ZNF608: variants seen among roughly 807,000 people sequenced by gnomAD.
ZNF608 encodes renal carcinoma antigen NY-REN-36.
A neutral mutation model predicts 109.0 loss-of-function variants in ZNF608; 12 were observed. That is an observed-to-expected ratio of 0.11 (90% CI 0.07 to 0.18). The LOEUF is 0.18. Ranked by LOEUF, ZNF608 falls within the 10% of genes least tolerant of loss-of-function variation. The pLI is 1.00. For missense variants in ZNF608, 1,707 were observed against 1,879.3 expected, an observed-to-expected ratio of 0.91 and a Z score of 1.70; for synonymous variants, 732 against 717.4, an observed-to-expected ratio of 1.02 and a Z score of -0.33.
In ZNF608 at chr5:124,744,673, A is replaced by C. The variant is rs1749570456; in HGVS notation, c.317T>G (p.Val106Gly). ...ATCCTTAGAAGTTTTACTCCTTTTC[A>C]CTTTTGATTTGCTGGTCTCTTTGTG... Reference protein sequence around the residue: ...NSHKETSKSKVKRSKTSKDAN... With the variant: ...NSHKETSKSKGKRSKTSKDAN... Residue 106 changes from valine (V) to glycine (G), a missense_variant, in exon 2 of 10, where the codon GTG (valine) becomes GGG (glycine). Physicochemically the swap from Val to Gly is moderately radical, Grantham distance 109. This residue lies in a region of ZNF608 where 407 missense variants were observed against 398.7 expected (regional missense o/e 1.02). Coordinates refer to ENST00000513986, the MANE Select transcript of ZNF608 (RefSeq NM_020747.3). The surrounding 1 kb of genome is among the most constrained non-coding windows in gnomAD (Gnocchi z 4.5). The C allele has an allele frequency of 1.2e-6, 2 of 1,613,822 alleles. No homozygotes were observed. The highest frequency in any genetic ancestry group is 1.3e-5 in the African/African-American group (1 of 74,834).
At chr5:124,694,626 G>A (rs1214909064) in intron 3 of ZNF608, among the ~76,000 whole-genome samples, 1 of 151,928 alleles carries the variant, frequency 6.6e-6, no homozygotes, top group East Asian at 1.9e-4. Flanking sequence ...CAACCTGCCA[G>A]TTTGTTACAT....
chr5:124,713,668 A>G (rs1434003388), intron 2 of ZNF608, among the ~76,000 whole-genome samples: 2 of 152,182 alleles, frequency 1.3e-5, no homozygotes, highest in Non-Finnish European at 2.9e-5. Flanking sequence ...TGCAAAGCCT[A>G]AAGTATTTAC....
chr5:124,709,198 A>G (rs1048368985), intron 2 of ZNF608, among the ~76,000 whole-genome samples: 1 of 149,620 alleles, frequency 6.7e-6, no homozygotes, highest in South Asian at 2.1e-4. Flanking sequence ...AAAAAAAAAA[A>G]TCTGGGTTCT....
upstream of ZNF608, among the ~76,000 whole-genome samples, chr5:124,747,162 TG>T (rs1222063220): frequency 7.9e-5 from 12 of 151,398 alleles, no homozygotes; most frequent in African/African-American, 2.4e-4. Context: ...ATAAGGTTTT[TG>T]TTTTCTTTTT....
Position 124,646,979 on chromosome 5 carries a change from C to T in ZNF608, c.3405G>A (p.Leu1135=), listed in dbSNP as rs551955365. The T allele has an allele frequency of 6.2e-7, 1 of 1,614,086 alleles. No homozygotes were observed. The highest frequency in any genetic ancestry group is 1.3e-5 in the African/African-American group (1 of 75,024). ...TAGTTTCCTCCTTGCCCAGCTCTTT[C>T]AAGGGGAGCTCACTTTTCCTTTCAC... ...GDCERKSELP[L]KELGKEETKQ... The change falls in exon 5 of 10, where the codon TTG becomes TTA. Residue 1135 remains leucine (L), a synonymous_variant. Transcript: ENST00000513986.
At chr5:124,727,387 C>T (rs1359505171) in intron 2 of ZNF608, among the ~76,000 whole-genome samples, 1 of 152,020 alleles carries the variant, frequency 6.6e-6, no homozygotes, top group Admixed American at 6.6e-5. Context: ...GTATAGCTGC[C>T]CTCACAGTAT....
At chr5:124,696,008 A>AC (rs1752834896) in intron 3 of ZNF608, among the ~76,000 whole-genome samples, 1 of 151,844 alleles carries the variant, frequency 6.6e-6, no homozygotes, top group Non-Finnish European at 1.5e-5. Context: ...ACATGGAGAA[A>AC]CCCCGTCTCT....
intron 2 of ZNF608, among the ~76,000 whole-genome samples, chr5:124,720,866 C>T (rs1753876281): frequency 8.7e-6 from 1 of 114,350 alleles, no homozygotes; most frequent in Non-Finnish European, 1.6e-5. Flanking sequence ...AAATCATTAA[C>T]TTGGTTTAAA....
intron 3 of ZNF608, among the ~76,000 whole-genome samples, chr5:124,669,068 C>CA (rs1186101271): frequency 6.6e-6 from 1 of 151,870 alleles, no homozygotes; most frequent in African/African-American, 2.4e-5. Context: ...CATTTAGCAC[C>CA]ATATTTAGTG....
intron 2 of ZNF608, among the ~76,000 whole-genome samples, chr5:124,705,226 G>A (rs1234750826): frequency 2.6e-5 from 4 of 152,172 alleles, no homozygotes; most frequent in African/African-American, 7.2e-5. Context: ...GCAGAGGGTG[G>A]CAACAGTTTC....
At chr5:124,694,069 G>A (rs375708446) in intron 3 of ZNF608, among the ~76,000 whole-genome samples, 88 of 134,696 alleles carry the variant, frequency 6.5e-4, no homozygotes, top group Non-Finnish European at 1.1e-3. Context: ...TCTGCCTCCC[G>A]GTTTCACGCC....
At chr5:124,654,969 A>G (rs539219907) in intron 3 of ZNF608, among the ~76,000 whole-genome samples, 1 of 152,328 alleles carries the variant, frequency 6.6e-6, no homozygotes, top group East Asian at 1.9e-4. Flanking sequence ...TCTTCCAACT[A>G]GATGACACTC....
chr5:124,666,267 T>C (rs148561893), intron 3 of ZNF608: 1 of 152,238 alleles, frequency 6.6e-6, no homozygotes, highest in Admixed American at 6.5e-5. Flanking sequence ...TAGTCAAGAT[T>C]GTCAATAGTG....
chr5:124,646,629 C>G, intron 5 of ZNF608, 50 bp downstream of exon 5: 1 of 1,559,974 alleles, frequency 6.4e-7, no homozygotes, highest in Non-Finnish European at 8.7e-7. Context: ...ATGTATAATA[C>G]AAGTCTCAGA....
chr5:124,707,217 G>A (rs917990222), intron 2 of ZNF608, among the ~76,000 whole-genome samples: 6 of 152,284 alleles, frequency 3.9e-5, no homozygotes, highest in Non-Finnish European at 7.4e-5. Flanking sequence ...GCCAGGGTAG[G>A]GCTGGAGAGT....
intron 3 of ZNF608, among the ~76,000 whole-genome samples, chr5:124,658,936 G>T (rs1181381814): frequency 6.6e-6 from 1 of 152,108 alleles, no homozygotes; most frequent in Non-Finnish European, 1.5e-5. Flanking sequence ...ACCTCCTAAT[G>T]GTCATTCCTT....
intron 3 of ZNF608, among the ~76,000 whole-genome samples, chr5:124,672,915 G>C (rs1301061039): frequency 3.3e-5 from 5 of 152,148 alleles, no homozygotes; most frequent in African/African-American, 4.8e-5. Context: ...ATTTATCATA[G>C]GCTTGTAGTG....
At chr5:124,747,335 T>C (rs1749674774), upstream of ZNF608, among the ~76,000 whole-genome samples, 1 of 151,910 alleles carries the variant, frequency 6.6e-6, no homozygotes, top group Admixed American at 6.6e-5. Flanking sequence ...TTTAATTAGC[T>C]GGCGTTTGGA....
At chr5:124,748,190 G>C (rs886108040), upstream of ZNF608, among the ~76,000 whole-genome samples, 1 of 152,252 alleles carries the variant, frequency 6.6e-6, no homozygotes, top group Non-Finnish European at 1.5e-5. Flanking sequence ...TGGGAGGGGG[G>C]TCTGCCCAGC....
Sources: gnomAD v4.1 joint callset for allele counts (sites outside exome capture counted in the v4.1 genomes callset) on GRCh38, gnomAD v4.1.1 for gene constraint, gnomAD v4.1.1 regional missense constraint, Gnocchi (gnomAD v3.1) non-coding constraint, MANE v1.5 for transcripts, NCBI Gene and HGNC (gene_info 2026-07-23, HGNC 2026-07-21) for gene names.